The following FALEC variants were observed in gnomAD, a reference collection of about 807,000 sequenced individuals.
FALEC encodes focally amplified lncRNA regulator of ECM1.
downstream of FALEC, among the ~76,000 whole-genome samples, chr1:150,522,933 ATGTGTGTGTGTGTGTG>A (rs1174772010): frequency 1.1e-4 from 2 of 18,358 alleles, no homozygotes; most frequent in African/African-American, 2.7e-4. Context: ...ATACATATAT[ATGTGTGTGTGTGTGTG>A]TATATATATA....
downstream of FALEC, among the ~76,000 whole-genome samples, chr1:150,522,986 T>TTC (rs1670676521): frequency 1.3e-5 from 1 of 75,124 alleles, no homozygotes; most frequent in African/African-American, 5.6e-5. Flanking sequence ...TATATATATT[T>TTC]TTTTTTTTTT....
chr1:150,528,064 C>T, the FALEC span, among the ~76,000 whole-genome samples: 2 of 152,100 alleles, frequency 1.3e-5, no homozygotes, highest in African/African-American at 4.8e-5. Context: ...TAACCCTCTT[C>T]CTCTTCGCCT....
chr1:150,531,808 C>T, the FALEC span, among the ~76,000 whole-genome samples: 52 of 152,330 alleles, frequency 3.4e-4, 1 homozygote, highest in East Asian at 9.1e-3. Flanking sequence ...CGGGCAGCTT[C>T]CCCACACCAA....
At chr1:150,526,498 G>A in the FALEC span, among the ~76,000 whole-genome samples, 1 of 151,384 alleles carries the variant, frequency 6.6e-6, no homozygotes, top group African/African-American at 2.4e-5. Flanking sequence ...TGCACACGGC[G>A]AGTATGTCGC....
At chr1:150,524,292 G>A in the FALEC span, among the ~76,000 whole-genome samples, 1 of 152,052 alleles carries the variant, frequency 6.6e-6, no homozygotes, top group Non-Finnish European at 1.5e-5. Flanking sequence ...TCGGATTACA[G>A]GTGTGGTGCA....
At chr1:150,532,529 C>T in the FALEC span, among the ~76,000 whole-genome samples, 1 of 152,164 alleles carries the variant, frequency 6.6e-6, no homozygotes, top group African/African-American at 2.4e-5. Flanking sequence ...GCAATAGAGA[C>T]ATGAGGGAAA....
chr1:150,525,380 G>C, the FALEC span, among the ~76,000 whole-genome samples: 1 of 152,056 alleles, frequency 6.6e-6, no homozygotes, highest in African/African-American at 2.4e-5. Flanking sequence ...TGGGAGGATC[G>C]CTTGAACCTG....
chr1:150,536,289 A>G, the FALEC span, among the ~76,000 whole-genome samples: 5 of 152,208 alleles, frequency 3.3e-5, no homozygotes, highest in Non-Finnish European at 5.9e-5. Context: ...GAGCAAGGAC[A>G]GCTCAGGCAG....
At chr1:150,520,327 T>TC (rs1670622589), downstream of FALEC, among the ~76,000 whole-genome samples, 1 of 152,144 alleles carries the variant, frequency 6.6e-6, no homozygotes, top group Non-Finnish European at 1.5e-5. Flanking sequence ...ATAACTGGCA[T>TC]CCCCCCTCCC....
the FALEC span, among the ~76,000 whole-genome samples, chr1:150,532,106 A>G: frequency 2.0e-5 from 3 of 152,150 alleles, no homozygotes; most frequent in Non-Finnish European, 2.9e-5. Context: ...ACAGGGTTTC[A>G]CCATGTTAGC....
downstream of FALEC, among the ~76,000 whole-genome samples, chr1:150,519,638 T>C (rs12129037): frequency 0.13 from 19,577 of 150,504 alleles, 1,308 homozygotes; most frequent in African/African-American, 0.15. Context: ...GGATGGATCA[T>C]AAGGTCAGGA....
the FALEC span, among the ~76,000 whole-genome samples, chr1:150,533,861 A>T: frequency 6.6e-6 from 1 of 152,186 alleles, no homozygotes; most frequent in African/African-American, 2.4e-5. Context: ...TTCCATATGC[A>T]TGGGGTATTT....
chr1:150,520,069 A>C (rs1670618122), downstream of FALEC, among the ~76,000 whole-genome samples: 1 of 152,164 alleles, frequency 6.6e-6, no homozygotes, highest in African/African-American at 2.4e-5. Flanking sequence ...GAATCACTTG[A>C]ATCCGGGAGG....
the FALEC span, among the ~76,000 whole-genome samples, chr1:150,536,353 T>C: frequency 6.6e-6 from 1 of 152,062 alleles, no homozygotes; most frequent in East Asian, 1.9e-4. Flanking sequence ...AAGAAGGAAG[T>C]CTTTGGGTTA....
chr1:150,522,856 T>TATACAC (rs1462943689), downstream of FALEC, among the ~76,000 whole-genome samples: 9,016 of 116,778 alleles, frequency 0.077, 1,740 homozygotes, highest in Non-Finnish European at 0.12. Context: ...TCTCTCTATA[T>TATACAC]ATATATATAC....
chr1:150,520,107 C>G (rs1670618521), downstream of FALEC, among the ~76,000 whole-genome samples: 1 of 152,112 alleles, frequency 6.6e-6, no homozygotes, highest in African/African-American at 2.4e-5. Context: ...CAAGATCACA[C>G]CATTGCATTC....
At chr1:150,532,523 T>C in the FALEC span, among the ~76,000 whole-genome samples, 1 of 151,914 alleles carries the variant, frequency 6.6e-6, no homozygotes, top group Admixed American at 6.6e-5. Flanking sequence ...CGGCCGGCAA[T>C]AGAGACATGA....
chr1:150,535,159 T>C, the FALEC span, among the ~76,000 whole-genome samples: 4 of 152,206 alleles, frequency 2.6e-5, no homozygotes, highest in South Asian at 8.3e-4. Flanking sequence ...CCTGAGGCCT[T>C]CGAAATGGCT....
chr1:150,521,767 T>G (rs1670646559), downstream of FALEC, among the ~76,000 whole-genome samples: 1 of 152,230 alleles, frequency 6.6e-6, no homozygotes, highest in Admixed American at 6.5e-5. Context: ...TTATGGACCT[T>G]CCATTCTACT....
Sources: allele counts gnomAD v4.1 joint callset (sites outside exome capture counted in the v4.1 genomes callset), GRCh38; gene constraint gnomAD v4.1.1; transcripts MANE v1.5; gene names NCBI Gene and HGNC (gene_info 2026-07-23, HGNC 2026-07-21).